The following VBP1 variants were observed in gnomAD, a reference collection of about 807,000 sequenced individuals.
VBP1 encodes the protein prefoldin subunit 3.
A neutral mutation model predicts 15.5 loss-of-function variants in VBP1; 4 were observed. The observed-to-expected ratio is 0.26, with a 90% CI of 0.13 to 0.59. The LOEUF is 0.59. Ranked by LOEUF, VBP1 falls within the 20% of genes least tolerant of loss-of-function variation. The pLI is 0.90. For synonymous variants in VBP1, 61 were observed against 52.1 expected (o/e 1.17, Z -0.74); for missense variants, 108 against 139.6 (o/e 0.77, Z 1.14).
intron 4 of VBP1, among the ~76,000 whole-genome samples, chrX:155,231,594 A>C (rs1368337392): frequency 1.8e-5 from 2 of 112,605 alleles, no homozygotes; most frequent in East Asian, 5.5e-4. Flanking sequence ...CTAATGGTTC[A>C]AAGAGCAAAT....
chrX:155,228,148 A>G (rs1410372139), intron 3 of VBP1, among the ~76,000 whole-genome samples: 1 of 111,640 alleles, frequency 9.0e-6, no homozygotes, highest in Non-Finnish European at 1.9e-5. Context: ...TTACAGATGA[A>G]GAACCTGAGA....
At chrX:155,233,745 T>C (rs1557311168) in intron 4 of VBP1, among the ~76,000 whole-genome samples, 1 of 111,924 alleles carries the variant, frequency 8.9e-6, no homozygotes, top group Non-Finnish European at 1.9e-5. Context: ...TGGTGGTAAC[T>C]GAAAATGTTC....
chrX:155,223,842 G>A (rs1475911784), intron 2 of VBP1, among the ~76,000 whole-genome samples: 7 of 107,635 alleles, frequency 6.5e-5, no homozygotes, highest in African/African-American at 1.4e-4. Flanking sequence ...CCCACCTGCC[G>A]GACGGGGCGG....
At chrX:155,232,565 G>C (rs1008327247) in intron 4 of VBP1, among the ~76,000 whole-genome samples, 1 of 112,255 alleles carries the variant, frequency 8.9e-6, no homozygotes, top group African/African-American at 3.2e-5. Context: ...CCAATGGCCA[G>C]TAAACATATG....
At chrX:155,199,420 C>T (rs1557307097) in intron 1 of VBP1, among the ~76,000 whole-genome samples, 1 of 111,574 alleles carries the variant, frequency 9.0e-6, no homozygotes, top group African/African-American at 3.3e-5. Flanking sequence ...TCGGCAGAAA[C>T]TCTACAAGCC....
At position 155,228,383 on chromosome X, in the gene VBP1, G is replaced by A; in HGVS notation, c.286-1G>A. On this transcript the variant is annotated splice_acceptor_variant, in intron 3 of 5. Transcript: ENST00000286428. LOFTEE classifies it high-confidence loss of function. ...CTGTCATTTTTTTTTTTGTTTTGAA[G>A]GAGTCCACCAACTCAATGGAGACCA... The A allele has an allele frequency of 8.4e-7, 1 of 1,188,164 alleles. No homozygotes were observed. Among genetic ancestry groups the A allele is most frequent in the Admixed American group, 2.3e-5 (1 of 42,902 alleles).
intron 2 of VBP1, among the ~76,000 whole-genome samples, chrX:155,224,033 C>T (rs1409773109): frequency 9.2e-5 from 10 of 109,127 alleles, no homozygotes; most frequent in African/African-American, 3.0e-4. Flanking sequence ...CTCCCCACAT[C>T]TCAGAGGATG....
chrX:155,226,663 A>G (rs1404178971), intron 2 of VBP1, among the ~76,000 whole-genome samples: 1 of 112,343 alleles, frequency 8.9e-6, no homozygotes, highest in Non-Finnish European at 1.9e-5. Context: ...CCTGGCATTT[A>G]GCTGACTGTG....
At chrX:155,219,942 A>G (rs1295823078) in intron 1 of VBP1, among the ~76,000 whole-genome samples, 23 of 109,146 alleles carry the variant, frequency 2.1e-4, no homozygotes, top group African/African-American at 7.7e-4. Flanking sequence ...TGGATTGAGG[A>G]TGCTCAACTG....
chrX:155,236,718 A>AT (rs2074775221), intron 5 of VBP1, among the ~76,000 whole-genome samples: 2 of 112,980 alleles, frequency 1.8e-5, no homozygotes, highest in Non-Finnish European at 3.7e-5. Context: ...TAGTACTTAA[A>AT]TAAGTTTGTA....
At chrX:155,238,635 C>A (rs1175139507) in intron 5 of VBP1, 137 bp from the exon 6 acceptor site, 2 of 446,453 alleles carry the variant, frequency 4.5e-6, no homozygotes, top group South Asian at 9.9e-5. Context: ...GGATGTCTTA[C>A]AATACTATTT....
intron 1 of VBP1, among the ~76,000 whole-genome samples, chrX:155,199,668 A>C (rs2074593979): frequency 8.9e-6 from 1 of 112,255 alleles, no homozygotes; most frequent in Non-Finnish European, 1.9e-5. Flanking sequence ...CAAATTGTAA[A>C]GACCATTGAG....
At chrX:155,209,062 T>C in intron 2 of VBP1, 1 of 900,174 alleles carries the variant, frequency 1.1e-6, no homozygotes. Context: ...TAATGGAGTT[T>C]TGCAACATAG....
chrX:155,224,627 G>A (rs782631517), intron 2 of VBP1, among the ~76,000 whole-genome samples: 4 of 111,714 alleles, frequency 3.6e-5, no homozygotes, highest in Non-Finnish European at 5.7e-5. Flanking sequence ...GGTGAGGCTA[G>A]CCTTTTTCTT....
intron 1 of VBP1, among the ~76,000 whole-genome samples, chrX:155,197,639 C>T (rs782345086): frequency 8.9e-5 from 10 of 111,755 alleles, no homozygotes; most frequent in African/African-American, 1.9e-4. Flanking sequence ...CCAAGATGGC[C>T]GAATAGGAAC....
chrX:155,228,567 C>G, intron 4 of VBP1, 85 bp downstream of exon 4: 1 of 797,675 alleles, frequency 1.3e-6, no homozygotes, highest in Non-Finnish European at 1.8e-6. Flanking sequence ...CTAGTATTTG[C>G]TAGTATTTTA....
intron 1 of VBP1, among the ~76,000 whole-genome samples, chrX:155,204,736 A>T (rs2074620742): frequency 8.9e-6 from 1 of 112,340 alleles, no homozygotes; most frequent in South Asian, 3.6e-4. Context: ...AATAGGAATT[A>T]TCAACATGCA....
chrX:155,209,105 A>G (rs2074636118), intron 2 of VBP1: 1 of 600,937 alleles, frequency 1.7e-6, no homozygotes, highest in Non-Finnish European at 2.6e-6. Context: ...CTCTCATAGA[A>G]GAAAGCATAG....
intron 2 of VBP1, 41 bp from the exon 3 acceptor site, chrX:155,227,194 T>C (rs2074723511): frequency 8.7e-7 from 1 of 1,148,159 alleles, no homozygotes; most frequent in Non-Finnish European, 1.2e-6. Context: ...TTGTTTATTT[T>C]TGCCTGCAAA....
Sources: gnomAD v4.1 joint callset for allele counts (sites outside exome capture counted in the v4.1 genomes callset) on GRCh38, gnomAD v4.1.1 for gene constraint, MANE v1.5 for transcripts, NCBI Gene and HGNC (gene_info 2026-07-23, HGNC 2026-07-21) for gene names.